TTYH1: variants seen among roughly 807,000 people sequenced by gnomAD.
TTYH1 encodes tweety family member 1.
Under a neutral mutation model 61.2 loss-of-function variants are expected in TTYH1, and 33 were observed. That is an observed-to-expected ratio of 0.54 (90% CI 0.41 to 0.72). The LOEUF is 0.72. Ranked by LOEUF, TTYH1 falls within the 30% of genes least tolerant of loss-of-function variation. The pLI is 0.00. For missense variants in TTYH1, 538 were observed against 575.8 expected (o/e 0.93, Z 0.67); for synonymous variants, 308 against 266.4 (o/e 1.16, Z -1.52).
chr19:54,424,642 G>T (rs1281940619), intron 4 of TTYH1, among the ~76,000 whole-genome samples: 1 of 152,224 alleles, frequency 6.6e-6, no homozygotes, highest in East Asian at 1.9e-4. Context: ...ATGCCAGGGT[G>T]AGGCAGACCC....
At position 54,422,200 on chromosome 19, in the gene TTYH1, C is replaced by T. The variant is rs757442968; in HGVS notation, c.428C>T (p.Thr143Met). Residue 143 changes from threonine (T) to methionine (M), a missense_variant, in exon 4 of 14, where the codon ACG becomes ATG. Transcript: ENST00000376530. ...LSTIDHLVLE[T>M]VERLGEAVRT... ...CTGTCCTATCCCCAGGTGTTGGAGACGGTGGAGAGGCTGGGCGAGGCGGTG... is the reference window on the plus strand; with the variant it reads ...CTGTCCTATCCCCAGGTGTTGGAGATGGTGGAGAGGCTGGGCGAGGCGGTG... 17 of 1,561,468 alleles carry T rather than the reference C, an allele frequency of 1.1e-5. No homozygotes were observed. Among genetic ancestry groups the T allele is most frequent in the African/African-American group, 2.7e-5 (2 of 74,240 alleles).
chr19:54,428,736 G>A (rs567668275), intron 5 of TTYH1, among the ~76,000 whole-genome samples: 3 of 152,234 alleles, frequency 2.0e-5, no homozygotes, highest in African/African-American at 7.2e-5. Flanking sequence ...GAGACCCCGC[G>A]TAAGGCTTGC....
intron 10 of TTYH1, among the ~76,000 whole-genome samples, chr19:54,433,985 G>A (rs1224601309): frequency 6.6e-6 from 1 of 152,020 alleles, no homozygotes; most frequent in Admixed American, 6.6e-5. Context: ...CCATTGCCCC[G>A]ACAGGTCCGT....
At position 54,436,023 on chromosome 19, in the gene TTYH1, T is replaced by G; in HGVS notation, c.1315-68T>G. 1 of 1,584,308 alleles carries G rather than the reference T, an allele frequency of 6.3e-7. No homozygotes were observed. Among genetic ancestry groups the G allele is most frequent in the Non-Finnish European group, 8.7e-7 (1 of 1,154,738 alleles). On this transcript the variant is annotated intron_variant, in intron 12 of 13. Coordinates refer to ENST00000376530, the MANE Select transcript of TTYH1 (RefSeq NM_020659.4). The surrounding 1 kb of genome is among the most constrained non-coding windows in gnomAD (Gnocchi z 4.3). The stretch of plus-strand genomic sequence containing the variant: ...GGGTCTGAGGGAGGAGGGGCTGGGG[T>G]CCCACAGTACAAAGCCAATTCCCAC...
At chr19:54,427,843 A>G (rs1195048667) in intron 5 of TTYH1, among the ~76,000 whole-genome samples, 1 of 151,450 alleles carries the variant, frequency 6.6e-6, no homozygotes, top group African/African-American at 2.4e-5. Context: ...CGCGCCCGAC[A>G]CTCTTCTCTG....
At chr19:54,423,254 G>C (rs1323937680) in intron 4 of TTYH1, among the ~76,000 whole-genome samples, 1 of 149,740 alleles carries the variant, frequency 6.7e-6, no homozygotes, top group Non-Finnish European at 1.5e-5. Flanking sequence ...CTAGAGTGCA[G>C]CGGTGCGATC....
At position 54,419,316 on chromosome 19, in the gene TTYH1, C is replaced by T. The variant is rs774427522; in HGVS notation, c.305+10C>T. 2 of 1,592,822 alleles carry T rather than the reference C, an allele frequency of 1.3e-6. No homozygotes were observed. The highest frequency in any genetic ancestry group is 8.5e-7 in the Non-Finnish European group (1 of 1,175,424). ...CCCTTCTCGCCGGCTGGTAATGGGG[C>T]CCCAGGGTGGGTGGGCGGTGGGGAC... On this transcript the variant is annotated intron_variant, in intron 2 of 13. Transcript: ENST00000376530. This position sits in a 1 kb window ranked among gnomAD's most constrained non-coding sequence, Gnocchi z 6.1.
chr19:54,430,991 T>C, intron 9 of TTYH1, 86 bp downstream of exon 9: 2 of 1,474,728 alleles, frequency 1.4e-6, no homozygotes, highest in Non-Finnish European at 1.9e-6. Flanking sequence ...TAGGCGGGGC[T>C]GCAGAGCTAG....
At position 54,424,090 on chromosome 19, in the gene TTYH1, A is replaced by AG. The variant is rs2083275109; in HGVS notation, c.638+1681dup. The stretch of plus-strand genomic sequence containing the variant: ...ACAGGAGAATCGCTTGAACCCAGGA[A>AG]GTGGAGCTTGCAGTGAGCAGAGATC... On this transcript the variant is annotated intron_variant, in intron 4 of 13. Coordinates refer to ENST00000376530, the MANE Select transcript of TTYH1 (RefSeq NM_020659.4). 6.1e-4 allele frequency among the ~76,000 whole-genome samples: 92 copies of AG among 151,986 alleles called. 1 individual carries two copies. The highest frequency in any genetic ancestry group is 8.7e-4 in the Non-Finnish European group (59 of 67,946).
At chr19:54,417,202 G>C (rs901921358) in intron 1 of TTYH1, among the ~76,000 whole-genome samples, 1 of 147,650 alleles carries the variant, frequency 6.8e-6, no homozygotes, top group Non-Finnish European at 1.5e-5. Flanking sequence ...ATATGCACAG[G>C]CACACCCAGA....
chr19:54,426,176 T>C (rs537718761), intron 4 of TTYH1, among the ~76,000 whole-genome samples: 72 of 152,262 alleles, frequency 4.7e-4, no homozygotes, highest in African/African-American at 1.4e-3. Flanking sequence ...ACGTTACATG[T>C]AGGGAAACTG....
rs2083203722 is a variant in TTYH1, at chr19:54,420,965, A to G, written c.306-312A>G. On this transcript the variant is annotated intron_variant, in intron 2 of 13. Transcript: ENST00000376530. The surrounding 1 kb of genome is among the most constrained non-coding windows in gnomAD (Gnocchi z 4.8). ...GGGAGGGGAAGACGGCCCATCCCGG[A>G]GCTGGGTGTGACTGGGGTTCTGCTC... 6.7e-6 allele frequency: 3 copies of G among 447,068 alleles called. No individual in the cohort carries two copies. Among genetic ancestry groups the G allele is most frequent in the Non-Finnish European group, 1.3e-5 (3 of 232,342 alleles). The allele number at this position is 447,068 out of a possible 1,614,324, so 27.7% of individuals were successfully genotyped here. A position where few individuals can be genotyped will look rare whatever the true frequency, so the allele number is the denominator to read the frequency against.
At chr19:54,431,391 C>T (rs924789579) in intron 10 of TTYH1, 200 bp downstream of exon 10, 13 of 555,392 alleles carry the variant, frequency 2.3e-5, no homozygotes, top group Non-Finnish European at 3.8e-5. Context: ...AAGCATTATC[C>T]ATATTCCTTC....
In TTYH1 at chr19:54,415,487, C is replaced by G; in HGVS notation, c.-66C>G. 1 of 1,293,006 alleles carries G rather than the reference C, an allele frequency of 7.7e-7. No homozygotes were observed. Among genetic ancestry groups the G allele is most frequent in the Non-Finnish European group, 9.7e-7 (1 of 1,026,090 alleles). 80.1% of individuals were successfully genotyped at this position (1,293,006 alleles called of 1,614,324 possible). A position where few individuals can be genotyped will look rare whatever the true frequency, so the allele number is the denominator to read the frequency against. ...CCAGCCAGACCCCGCGCCGCCCGCG[C>G]CCCGCTCGACTCCGGAGGCTCCCGC... On this transcript the variant is annotated 5_prime_UTR_variant, in exon 1 of 14. Transcript: ENST00000376530. The surrounding 1 kb of genome is among the most constrained non-coding windows in gnomAD (Gnocchi z 5.2).
intron 10 of TTYH1, chr19:54,433,559 C>CA (rs201041157): frequency 0.43 from 50,344 of 118,300 alleles, 11,938 homozygotes; most frequent in East Asian, 0.6. Context: ...GAATCCGTCT[C>CA]AAAAAAAAAA....
At position 54,429,207 on chromosome 19, in the gene TTYH1, G is replaced by A; in HGVS notation, c.735-100G>A. 1 of 1,048,116 alleles carries A rather than the reference G, an allele frequency of 9.5e-7. No individual in the cohort carries two copies. Among genetic ancestry groups the A allele is most frequent in the Admixed American group, 1.8e-5 (1 of 55,918 alleles). 64.9% of individuals were successfully genotyped at this position (1,048,116 alleles called of 1,614,324 possible). Reference sequence around the variant, plus strand: ...TTCTGATCCTCCAGGCTCCAGAGGTGGGTGGAGGTGGGGGGCGGCTGTGAT... The same window carrying A: ...TTCTGATCCTCCAGGCTCCAGAGGTAGGTGGAGGTGGGGGGCGGCTGTGAT... On this transcript the variant is annotated intron_variant, in intron 5 of 13. Coordinates refer to ENST00000376530, the MANE Select transcript of TTYH1 (RefSeq NM_020659.4). This position sits in a 1 kb window ranked among gnomAD's most constrained non-coding sequence, Gnocchi z 5.1.
rs1183985002 is a variant in TTYH1, at chr19:54,421,141, G to A, written c.306-136G>A. On this transcript the variant is annotated intron_variant, in intron 2 of 13. Coordinates refer to ENST00000376530, the MANE Select transcript of TTYH1 (RefSeq NM_020659.4). The surrounding 1 kb of genome is among the most constrained non-coding windows in gnomAD (Gnocchi z 4.8). Reference sequence around the variant, plus strand: ...CAGGCTGAAGTCGCCCTTTTCCCACGGGCTGGCCCAATGAGGTGGGGCTGA... The same window carrying A: ...CAGGCTGAAGTCGCCCTTTTCCCACAGGCTGGCCCAATGAGGTGGGGCTGA... The A allele has an allele frequency of 2.5e-5, 16 of 641,618 alleles. No individual in the cohort carries two copies. The highest frequency in any genetic ancestry group is 1.1e-4 in the East Asian group (4 of 36,410). 39.7% of individuals were successfully genotyped at this position (641,618 alleles called of 1,614,324 possible). A position where few individuals can be genotyped will look rare whatever the true frequency, so the allele number is the denominator to read the frequency against.
chr19:54,435,623 G>A lies in TTYH1; in HGVS notation c.1207G>A (p.Ala403Thr), dbSNP rs374323620. 3.7e-5 allele frequency: 60 copies of A among 1,612,056 alleles called. No homozygotes were observed. Among genetic ancestry groups the A allele is most frequent in the Admixed American group, 6.7e-5 (4 of 59,934 alleles). ...CCTGCTACTCTTCTCCCTGCTGTCT[G>A]CAGGAGCGCTGGCCACTGCCCTCTG... ...LFLLLFSLLS[A>T]GALATALCSL... Residue 403 changes from alanine (A) to threonine (T), a missense_variant, in exon 11 of 14, where the codon GCA (alanine) becomes ACA (threonine). By Grantham distance (58) the Ala-to-Thr change is moderately conservative. Transcript: ENST00000376530.
chr19:54,436,189 A>G lies in TTYH1; in HGVS notation c.*42+18A>G. ...CCTCTTCGGTGAGCTTCCAAGGGCC[A>G]CCCCAGCTCCTGCAGCCGGGCCTCT... On this transcript the variant is annotated intron_variant, in intron 13 of 13. Transcript: ENST00000376530. The surrounding 1 kb of genome is among the most constrained non-coding windows in gnomAD (Gnocchi z 4.3). 6.2e-7 allele frequency: 1 copy of G among 1,612,798 alleles called. No homozygotes were observed. Among genetic ancestry groups the G allele is most frequent in the Non-Finnish European group, 8.5e-7 (1 of 1,179,258 alleles).
Sources: allele counts gnomAD v4.1 joint callset (sites outside exome capture counted in the v4.1 genomes callset), GRCh38; gene constraint gnomAD v4.1.1; non-coding constraint Gnocchi (gnomAD v3.1); transcripts MANE v1.5; gene names NCBI Gene and HGNC (gene_info 2026-07-23, HGNC 2026-07-21).